The following EHMT1 variants were observed in gnomAD, a reference collection of about 807,000 sequenced individuals.
EHMT1 encodes histone-lysine N-methyltransferase EHMT1.
A neutral mutation model predicts 147.2 loss-of-function variants in EHMT1; 15 were observed. The observed-to-expected ratio is 0.10, with a 90% CI of 0.07 to 0.16. EHMT1 has a LOEUF of 0.16. Among genes scored for constraint, EHMT1 ranks in the 10% least tolerant of loss-of-function variants. The pLI is 1.00. For missense variants in EHMT1, 1,587 were observed against 1,772.4 expected, an observed-to-expected ratio of 0.90 and a Z score of 1.88; for synonymous variants, 795 against 709.6, an observed-to-expected ratio of 1.12 and a Z score of -1.91.
chr9:137,685,579 C>G (rs1395826231), intron 1 of EHMT1, among the ~76,000 whole-genome samples: 1 of 152,138 alleles, frequency 6.6e-6, no homozygotes, highest in Non-Finnish European at 1.5e-5. Context: ...GGGGTATATA[C>G]CTAGGAGTGG....
chr9:137,804,941 AG>A (rs1953801913), intron 18 of EHMT1, among the ~76,000 whole-genome samples: 1 of 152,084 alleles, frequency 6.6e-6, no homozygotes, highest in African/African-American at 2.4e-5. Context: ...CATGTCTGTC[AG>A]TCATCCATGT....
chr9:137,723,549 C>T (rs541184227), intron 3 of EHMT1, among the ~76,000 whole-genome samples: 8 of 146,104 alleles, frequency 5.5e-5, no homozygotes, highest in East Asian at 4.1e-4. Context: ...GGCCTGAGCC[C>T]GGGGTGTGTC....
chr9:137,695,877 G>A (rs1287055340), intron 1 of EHMT1, among the ~76,000 whole-genome samples: 1 of 152,222 alleles, frequency 6.6e-6, no homozygotes, highest in Non-Finnish European at 1.5e-5. Flanking sequence ...GCACATGAGG[G>A]ACTGGCAGAT....
At chr9:137,664,304 T>C (rs956929630) in intron 1 of EHMT1, among the ~76,000 whole-genome samples, 2 of 150,982 alleles carry the variant, frequency 1.3e-5, no homozygotes, top group African/African-American at 2.5e-5. Flanking sequence ...TTTTTTTTTT[T>C]CTTTTGAGAC....
intron 12 of EHMT1, chr9:137,777,160 T>C: frequency 2.7e-6 from 1 of 370,144 alleles, no homozygotes. Context: ...AGACGAGTGG[T>C]GGCTGCTGCA....
chr9:137,733,318 C>T (rs1240010236), intron 4 of EHMT1, among the ~76,000 whole-genome samples: 1 of 152,178 alleles, frequency 6.6e-6, no homozygotes, highest in Non-Finnish European at 1.5e-5. Context: ...TGTATCTTTC[C>T]CACGTGTAGC....
At chr9:137,648,437 T>G (rs1485899496) in intron 1 of EHMT1, among the ~76,000 whole-genome samples, 2 of 148,746 alleles carry the variant, frequency 1.3e-5, no homozygotes, top group Admixed American at 6.8e-5. Flanking sequence ...GGAGGACTGC[T>G]TGGGCCCAGA....
chr9:137,637,063 A>G (rs1449177840), intron 1 of EHMT1, among the ~76,000 whole-genome samples: 2 of 150,408 alleles, frequency 1.3e-5, no homozygotes, highest in East Asian at 3.9e-4. Context: ...ACGCCTGGCT[A>G]TTTTTTTGTA....
At chr9:137,806,132 G>A (rs1431694860) in intron 18 of EHMT1, among the ~76,000 whole-genome samples, 1 of 151,802 alleles carries the variant, frequency 6.6e-6, no homozygotes, top group Admixed American at 6.6e-5. Context: ...GCTAATTTTT[G>A]TATTTTTATT....
chr9:137,810,418 G>A (rs930604714), intron 18 of EHMT1, among the ~76,000 whole-genome samples: 7 of 152,230 alleles, frequency 4.6e-5, no homozygotes, highest in African/African-American at 1.4e-4. Flanking sequence ...TCCTCATTCC[G>A]TTTATCGCTG....
At chr9:137,784,450 T>G (rs1951802490) in intron 15 of EHMT1, 2 of 1,146,010 alleles carry the variant, frequency 1.7e-6, no homozygotes, top group East Asian at 8.4e-5. Context: ...TTTGAATTGG[T>G]TTTATTTCGA....
intron 4 of EHMT1, among the ~76,000 whole-genome samples, chr9:137,740,604 TCAAA>T (rs765803212): frequency 2.0e-5 from 3 of 152,222 alleles, no homozygotes; most frequent in Non-Finnish European, 2.9e-5. Context: ...AGCCACGTGC[TCAAA>T]CACTTTCAGG....
intron 6 of EHMT1, 72 bp from the exon 7 acceptor site, chr9:137,752,259 A>G: frequency 6.5e-7 from 1 of 1,547,996 alleles, no homozygotes; most frequent in Non-Finnish European, 8.9e-7. Flanking sequence ...TGGATCCGTC[A>G]TCTGCCACTA....
rs958358522 is a variant in EHMT1, at chr9:137,656,662, G to A, written c.21+37613G>A. ...CATGTGTACACCCAGGAGGCAGGGG[G>A]CATGAGTCCAAGGGCCGTGCTGGGC... On this transcript the variant is annotated intron_variant, in intron 1 of 26. Coordinates refer to ENST00000460843, the MANE Select transcript of EHMT1 (RefSeq NM_024757.5). Among the ~76,000 whole-genome samples, 4 of 152,280 alleles carry A rather than the reference G, an allele frequency of 2.6e-5. No individual in the cohort carries two copies. In the East Asian group the frequency reaches 7.7e-4, roughly 29 times the overall value.
At chr9:137,817,910 C>A in intron 24 of EHMT1, 150 bp from the exon 25 acceptor site, 1 of 779,160 alleles carries the variant, frequency 1.3e-6, no homozygotes, top group South Asian at 1.5e-5. Context: ...AACCCCAGTT[C>A]AACCCTGGGC....
chr9:137,800,114 CTG>C (rs1953333745), intron 17 of EHMT1, among the ~76,000 whole-genome samples: 1 of 152,216 alleles, frequency 6.6e-6, no homozygotes, highest in Admixed American at 6.5e-5. Context: ...GCTGCTGTGT[CTG>C]TGACATTGGG....
At chr9:137,766,919 G>A (rs1433046503) in intron 10 of EHMT1, among the ~76,000 whole-genome samples, 1 of 151,982 alleles carries the variant, frequency 6.6e-6, no homozygotes, top group Non-Finnish European at 1.5e-5. Flanking sequence ...TGGGGCTCAG[G>A]TGATTCTCCC....
At chr9:137,650,185 A>G (rs1053977527) in intron 1 of EHMT1, among the ~76,000 whole-genome samples, 1 of 152,044 alleles carries the variant, frequency 6.6e-6, no homozygotes, top group African/African-American at 2.4e-5. Context: ...TGCAGCCTCA[A>G]ACTCCCAGGC....
chr9:137,648,226 A>G (rs1459510682), intron 1 of EHMT1, among the ~76,000 whole-genome samples: 2 of 152,192 alleles, frequency 1.3e-5, no homozygotes, highest in Non-Finnish European at 2.9e-5. Flanking sequence ...GTAAGAGACC[A>G]TATTGTATAA....
Sources: gnomAD v4.1 joint callset for allele counts (sites outside exome capture counted in the v4.1 genomes callset) on GRCh38, gnomAD v4.1.1 for gene constraint, MANE v1.5 for transcripts, NCBI Gene and HGNC (gene_info 2026-07-23, HGNC 2026-07-21) for gene names.